Variants in LARGE1 observed in about 807,000 individuals in gnomAD.
LARGE1 encodes the protein LARGE xylosyl- and glucuronyltransferase 1.
LARGE1 carries 43 observed loss-of-function variants against 87.6 expected under a neutral mutation model. The observed-to-expected ratio is 0.49, with a 90% CI of 0.38 to 0.63. The LOEUF is 0.63. LARGE1 is among the 30% of genes least tolerant of loss of function. The pLI is 0.00. For missense variants in LARGE1, 802 were observed against 1,000.2 expected (o/e 0.80, Z 2.67); for synonymous variants, 434 against 394.6 (o/e 1.10, Z -1.18).
At chr22:33,234,168 TGAA>T (rs1301857409) in intron 11 of LARGE1, among the ~76,000 whole-genome samples, 1 of 152,244 alleles carries the variant, frequency 6.6e-6, no homozygotes, top group Non-Finnish European at 1.5e-5. Context: ...TCCTAGCAAA[TGAA>T]GCCTTCATCT....
At chr22:33,478,747 T>C (rs964174873) in intron 6 of LARGE1, among the ~76,000 whole-genome samples, 2 of 151,800 alleles carry the variant, frequency 1.3e-5, no homozygotes, top group African/African-American at 4.8e-5. Context: ...AGGAATCTAG[T>C]AGGTGCTCAA....
At chr22:33,089,711 G>A in the LARGE1 span, among the ~76,000 whole-genome samples, 5 of 151,648 alleles carry the variant, frequency 3.3e-5, no homozygotes, top group Admixed American at 1.3e-4. Flanking sequence ...TGCCCAGGCT[G>A]GTCTCAAACT....
intron 5 of LARGE1, among the ~76,000 whole-genome samples, chr22:33,582,326 G>A (rs5999021): frequency 5.9e-5 from 9 of 152,156 alleles, no homozygotes; most frequent in African/African-American, 2.2e-4. Context: ...CCTGGTACAG[G>A]AGAGTACACA....
At chr22:33,831,100 C>CTTT (rs5845117) in intron 1 of LARGE1, among the ~76,000 whole-genome samples, 5 of 137,188 alleles carry the variant, frequency 3.6e-5, no homozygotes, top group African/African-American at 5.5e-5. Flanking sequence ...TTTCTTTTTT[C>CTTT]TTTTTTTTTT....
At chr22:33,577,725 C>A (rs1023966432) in intron 5 of LARGE1, among the ~76,000 whole-genome samples, 1 of 152,182 alleles carries the variant, frequency 6.6e-6, no homozygotes, top group Non-Finnish European at 1.5e-5. Flanking sequence ...TTACTAGCTG[C>A]GGAGATACAC....
At chr22:33,280,301 A>G (rs1407939969) in intron 13 of LARGE1, among the ~76,000 whole-genome samples, 3 of 139,548 alleles carry the variant, frequency 2.1e-5, no homozygotes, top group Non-Finnish European at 4.5e-5. Flanking sequence ...AGTTTCTGAT[A>G]TATGGTAACT....
At chr22:33,865,648 G>C (rs1025965319) in intron 1 of LARGE1, among the ~76,000 whole-genome samples, 2 of 151,966 alleles carry the variant, frequency 1.3e-5, no homozygotes, top group African/African-American at 2.4e-5. Context: ...GAAAACTCTG[G>C]GCCAGGCAGA....
chr22:33,845,368 G>A (rs2063399444), intron 1 of LARGE1, among the ~76,000 whole-genome samples: 2 of 152,122 alleles, frequency 1.3e-5, no homozygotes, highest in Admixed American at 1.3e-4. Flanking sequence ...GAGTGTAATG[G>A]CACGATCTCA....
At chr22:33,303,242 G>A (rs1934401216) in intron 12 of LARGE1, among the ~76,000 whole-genome samples, 2 of 152,176 alleles carry the variant, frequency 1.3e-5, no homozygotes, top group Non-Finnish European at 2.9e-5. Context: ...GGGGGGAGCT[G>A]GAAAGGGACA....
intron 2 of LARGE1, among the ~76,000 whole-genome samples, chr22:33,671,902 T>C (rs565991530): frequency 1.7e-3 from 254 of 152,322 alleles, no homozygotes; most frequent in Non-Finnish European, 2.9e-3. Flanking sequence ...TGTGATATAC[T>C]TGACAATAAA....
chr22:33,695,922 T>G (rs1489848008), intron 2 of LARGE1, among the ~76,000 whole-genome samples: 1 of 152,250 alleles, frequency 6.6e-6, no homozygotes, highest in East Asian at 1.9e-4. Flanking sequence ...CCCTTATTGA[T>G]TAAGCTTTGT....
the LARGE1 span, among the ~76,000 whole-genome samples, chr22:33,120,967 A>T: frequency 2.0e-5 from 3 of 151,824 alleles, no homozygotes; most frequent in African/African-American, 4.8e-5. Context: ...TGAGCTGGGG[A>T]TCTGCTTTTT....
At chr22:33,649,219 G>A (rs1300687394) in intron 3 of LARGE1, among the ~76,000 whole-genome samples, 1 of 152,086 alleles carries the variant, frequency 6.6e-6, no homozygotes, top group African/African-American at 2.4e-5. Flanking sequence ...CCTCACCACT[G>A]AACTTCCAAA....
At chr22:33,904,229 C>T (rs1318891310) in intron 1 of LARGE1, among the ~76,000 whole-genome samples, 3 of 152,172 alleles carry the variant, frequency 2.0e-5, no homozygotes, top group Non-Finnish European at 4.4e-5. Context: ...AGGCTGGGCT[C>T]ACTGCAACCT....
At chr22:33,444,461 G>C (rs145463138) in intron 6 of LARGE1, among the ~76,000 whole-genome samples, 1 of 151,912 alleles carries the variant, frequency 6.6e-6, no homozygotes, top group Non-Finnish European at 1.5e-5. Context: ...GCATGATCTC[G>C]GCTCACTCAG....
intron 6 of LARGE1, among the ~76,000 whole-genome samples, chr22:33,498,296 C>T (rs890062301): frequency 6.6e-6 from 1 of 152,140 alleles, no homozygotes; most frequent in Non-Finnish European, 1.5e-5. Flanking sequence ...TTGCAAATTG[C>T]AAGATTTCCT....
intron 4 of LARGE1, among the ~76,000 whole-genome samples, chr22:33,608,090 C>T (rs2079317592): frequency 6.6e-6 from 1 of 152,168 alleles, no homozygotes; most frequent in African/African-American, 2.4e-5. Flanking sequence ...ACAGACGGTC[C>T]ATTTGGCCCT....
the LARGE1 span, among the ~76,000 whole-genome samples, chr22:33,073,906 C>A: frequency 1.6e-3 from 246 of 152,250 alleles, no homozygotes; most frequent in Middle Eastern, 3.4e-3. Context: ...GTAAGTAATA[C>A]CATTCCTATA....
At chr22:33,482,057 C>T (rs1417368252) in intron 6 of LARGE1, among the ~76,000 whole-genome samples, 1 of 152,174 alleles carries the variant, frequency 6.6e-6, no homozygotes. Context: ...ACTCCACAAA[C>T]TAGCTCTTAA....
Sources: gnomAD v4.1 joint callset for allele counts (sites outside exome capture counted in the v4.1 genomes callset) on GRCh38, gnomAD v4.1.1 for gene constraint, MANE v1.5 for transcripts, NCBI Gene and HGNC (gene_info 2026-07-23, HGNC 2026-07-21) for gene names.